Variants in DNAH1 observed in about 807,000 individuals in gnomAD.
DNAH1 encodes the protein axonemal beta dynein heavy chain 1.
Under a neutral mutation model 484.3 loss-of-function variants are expected in DNAH1, and 327 were observed. That is an observed-to-expected ratio of 0.68 (90% CI 0.62 to 0.74). The LOEUF is 0.74. DNAH1 is among the 30% of genes least tolerant of loss of function. The pLI, the probability that DNAH1 is intolerant of heterozygous loss-of-function variation, is 0.00. For missense variants in DNAH1, 5,052 were observed against 5,546.8 expected (o/e 0.91, Z 2.83); for synonymous variants, 2,192 against 2,191.9 (o/e 1.00, Z 0.00).
chr3:52,322,835 A>T (rs1322785791), intron 2 of DNAH1, 60 bp downstream of exon 2: 1 of 1,364,304 alleles, frequency 7.3e-7, no homozygotes, highest in African/African-American at 1.5e-5. Flanking sequence ...CCGTTCACCC[A>T]TCCTTTCATC....
At chr3:52,392,799 T>C in intron 64 of DNAH1, 31 bp from the exon 65 acceptor site, 2 of 1,274,376 alleles carry the variant, frequency 1.6e-6, no homozygotes, top group Non-Finnish European at 1.1e-6. Flanking sequence ...TTCTGCTCTT[T>C]GACCCCTCCC....
intron 6 of DNAH1, among the ~76,000 whole-genome samples, chr3:52,330,768 C>T (rs925323616): frequency 1.3e-5 from 2 of 152,214 alleles, no homozygotes; most frequent in African/African-American, 4.8e-5. Context: ...GCCATGGTCA[C>T]CTTGAAGGGG....
chr3:52,389,204 A>G (rs1443244425), intron 59 of DNAH1, among the ~76,000 whole-genome samples: 1 of 152,260 alleles, frequency 6.6e-6, no homozygotes, highest in Non-Finnish European at 1.5e-5. Context: ...GCACTGTTCT[A>G]AACATGCCAC....
Position 52,352,830 on chromosome 3 carries a change from G to A in DNAH1, c.3027+123G>A, listed in dbSNP as rs1283474586. ...GGCAGGACCCAGCAGGCTGCAGAGT[G>A]GAGATAGCCCAACCCTGGCCCTCAG... On this transcript the variant is annotated intron_variant, in intron 18 of 77. Coordinates refer to ENST00000420323, the MANE Select transcript of DNAH1 (RefSeq NM_015512.5). 3.8e-5 allele frequency: 53 copies of A among 1,398,390 alleles called. No individual in the cohort carries two copies. The East Asian group carries it at 1.3e-3, about 34-fold the overall frequency. The allele number at this position is 1,398,390 out of a possible 1,614,324, so 86.6% of individuals were successfully genotyped here.
intron 20 of DNAH1, among the ~76,000 whole-genome samples, chr3:52,354,399 G>A (rs1303052560): frequency 2.0e-5 from 3 of 152,324 alleles, no homozygotes; most frequent in African/African-American, 4.8e-5. Context: ...TTGGGAGGCC[G>A]AGGCGGGTGG....
In DNAH1 at chr3:52,356,773, C is replaced by T. The variant is rs61734640; in HGVS notation, c.3853C>T (p.Arg1285Trp). ...GATCATGAAGAATGCCTACGAGAAC[C>T]GGGAGGCAAGCTCAATGAGGGTGGG... ...KKIMKNAYEN[R>W]EVINVCSDLR... The change falls in exon 22 of 78, where the codon CGG becomes TGG. Residue 1285 changes from arginine (R) to tryptophan (W), a missense_variant. By Grantham distance (101) the Arg-to-Trp change is moderately radical. Transcript: ENST00000420323. The T allele has an allele frequency of 0.042, 67,981 of 1,603,018 alleles. 1,653 individuals are homozygous for T. The highest frequency in any genetic ancestry group is 0.048 in the Non-Finnish European group (56,138 of 1,174,540).
rs1172001559 is a variant in DNAH1 at position 52,353,132 on chromosome 3, G to A, written c.3057G>A (p.Glu1019=). Residue 1019 remains glutamate (E), a synonymous_variant, in exon 19 of 78, where the codon GAG becomes GAA. Coordinates refer to ENST00000420323, the MANE Select transcript of DNAH1 (RefSeq NM_015512.5). This position sits in a 1 kb window ranked among gnomAD's most constrained non-coding sequence, Gnocchi z 5.0. ...ACAAGCTCTCCAGGATGGTGAAGGA[G>A]TTCCAACCCTACCTGGACCTTTGGA... The part of the protein sequence containing the change: ...NYDKLSRMVK[E]FQPYLDLWTT... The A allele has an allele frequency of 2.5e-6, 4 of 1,613,510 alleles. No homozygotes were observed. Among genetic ancestry groups the A allele is most frequent in the East Asian group, 2.2e-5 (1 of 44,854 alleles).
chr3:52,311,857 C>T (rs1168120644), upstream of DNAH1, among the ~76,000 whole-genome samples: 1 of 152,210 alleles, frequency 6.6e-6, no homozygotes, highest in East Asian at 1.9e-4. Flanking sequence ...ACAGGGACCC[C>T]CCTCCTGCTC....
intron 36 of DNAH1, 146 bp downstream of exon 36, chr3:52,367,033 C>A: frequency 9.9e-7 from 1 of 1,007,194 alleles, no homozygotes; most frequent in Non-Finnish European, 1.4e-6. Flanking sequence ...ATTCTACTTC[C>A]TCGCTGAGTG....
intron 4 of DNAH1, 62 bp from the exon 5 acceptor site, chr3:52,326,673 A>C (rs747435112): frequency 3.7e-5 from 57 of 1,527,634 alleles, no homozygotes; most frequent in Admixed American, 1.2e-4. Context: ...CCTTGTGGAC[A>C]CCCATGGAGC....
rs1354677312 is a variant in DNAH1, at chr3:52,396,473, G to A, written c.11365G>A (p.Val3789Ile). Residue 3789 changes from valine (V) to isoleucine (I), a missense_variant, in exon 71 of 78, where the codon GTC (valine) becomes ATC (isoleucine). Transcript: ENST00000420323. ...SKMTIEPPRG[V>I]RANLLKSYSS... ...GATGACCATTGAGCCGCCACGCGGTGTCAGGGCCAACCTGCTGAAGTCCTA... is the reference window on the plus strand; with the variant it reads ...GATGACCATTGAGCCGCCACGCGGTATCAGGGCCAACCTGCTGAAGTCCTA... The A allele has an allele frequency of 6.2e-7, 1 of 1,604,616 alleles. No homozygotes were observed. Among genetic ancestry groups the A allele is most frequent in the African/African-American group, 1.3e-5 (1 of 74,812 alleles).
At chr3:52,356,500 T>G (rs1046885491) in intron 21 of DNAH1, 114 bp from the exon 22 acceptor site, 3 of 1,032,178 alleles carry the variant, frequency 2.9e-6, no homozygotes, top group Non-Finnish European at 4.3e-6. Context: ...GGCTTTGGTG[T>G]CCAGTGCTCT....
rs1429046077 is a variant in DNAH1 at position 52,368,142 on chromosome 3, G to A, written c.5766-599G>A. 2.0e-5 allele frequency among the ~76,000 whole-genome samples: 3 copies of A among 152,202 alleles called. No individual in the cohort carries two copies. Among genetic ancestry groups the A allele is most frequent in the Non-Finnish European group, 4.4e-5 (3 of 68,038 alleles). ...CCTCAGCGTAACCAGACATTGCCTG[G>A]GGGTGGTGCAGGGAAGGAGCCTCAA... is the stretch of plus-strand genomic sequence containing the variant. On this transcript the variant is annotated intron_variant, in intron 36 of 77. Transcript: ENST00000420323. This position sits in a 1 kb window ranked among gnomAD's most constrained non-coding sequence, Gnocchi z 4.4.
Position 52,370,565 on chromosome 3 carries a change from GT to G in DNAH1, c.6348del (p.Ala2117ProfsTer15), listed in dbSNP as rs759240955. 2 of 1,613,748 alleles carry G rather than the reference GT, an allele frequency of 1.2e-6. No individual in the cohort carries two copies. The highest frequency in any genetic ancestry group is 3.3e-5 in the Admixed American group (2 of 59,968). Reference sequence around the variant, plus strand: ...ATCTTCTCCCTGATCTGGAGCGTGGGTGCCACTGGGGACAGCAGTGGCCGCA... The same window carrying G: ...ATCTTCTCCCTGATCTGGAGCGTGGGGCCACTGGGGACAGCAGTGGCCGCA... ...WFIFSLIWSV[G>X]ATGDSSGRTS... On this transcript the variant is annotated frameshift_variant, in exon 40 of 78. Coordinates refer to ENST00000420323, the MANE Select transcript of DNAH1 (RefSeq NM_015512.5). LOFTEE classifies it high-confidence loss of function.
At chr3:52,380,381 G>A (rs1268952334) in intron 48 of DNAH1, among the ~76,000 whole-genome samples, 2 of 152,040 alleles carry the variant, frequency 1.3e-5, no homozygotes, top group Non-Finnish European at 2.9e-5. Flanking sequence ...AGACACAGGG[G>A]CAATCATCCC....
chr3:52,360,297 C>G lies in DNAH1; in HGVS notation c.4572-14C>G. 17 of 1,608,980 alleles carry G rather than the reference C, an allele frequency of 1.1e-5. No individual in the cohort carries two copies. Among genetic ancestry groups the G allele is most frequent in the Non-Finnish European group, 1.4e-5 (16 of 1,176,010 alleles). On this transcript the variant is annotated splice_polypyrimidine_tract_variant and intron_variant, in intron 27 of 77. Coordinates refer to ENST00000420323, the MANE Select transcript of DNAH1 (RefSeq NM_015512.5). Reference sequence around the variant, plus strand: ...TTGCCCCATGGCCAGGCCCTCATCTCCCTGCACCGCCAGGTACTACTGGAC... The same window carrying G: ...TTGCCCCATGGCCAGGCCCTCATCTGCCTGCACCGCCAGGTACTACTGGAC...
At position 52,395,197 on chromosome 3, in the gene DNAH1, C is replaced by A; in HGVS notation, c.10969-111C>A. On this transcript the variant is annotated intron_variant, in intron 68 of 77. Transcript: ENST00000420323. The surrounding 1 kb of genome is among the most constrained non-coding windows in gnomAD (Gnocchi z 4.4). ...CTCCCTAAAGGCTCTGAGGTTCCAG[C>A]CCCCACCAGGAAGCCCACTGGGGAC... 4.0e-6 allele frequency: 6 copies of A among 1,485,074 alleles called. No individual in the cohort carries two copies. The highest frequency in any genetic ancestry group is 1.3e-5 in the South Asian group (1 of 75,476). The allele number at this position is 1,485,074 out of a possible 1,614,324, so 92.0% of individuals were successfully genotyped here.
upstream of DNAH1, among the ~76,000 whole-genome samples, chr3:52,311,836 C>A (rs916915743): frequency 6.6e-6 from 1 of 152,204 alleles, no homozygotes; most frequent in African/African-American, 2.4e-5. Flanking sequence ...GCCAGGGCAG[C>A]CTGACGGCCC....
At chr3:52,324,103 C>G (rs1280355311) in intron 3 of DNAH1, among the ~76,000 whole-genome samples, 2 of 152,084 alleles carry the variant, frequency 1.3e-5, no homozygotes, top group African/African-American at 4.8e-5. Context: ...GACCTTGATG[C>G]TGGGCTGGGC....
Sources: allele counts gnomAD v4.1 joint callset (sites outside exome capture counted in the v4.1 genomes callset), GRCh38; gene constraint gnomAD v4.1.1; non-coding constraint Gnocchi (gnomAD v3.1); transcripts MANE v1.5; gene names NCBI Gene and HGNC (gene_info 2026-07-23, HGNC 2026-07-21).